The following KIRREL3 variants were observed in gnomAD, a reference collection of about 807,000 sequenced individuals.
KIRREL3 encodes the protein kirre like nephrin family adhesion molecule 3, also known as kin of IRRE-like protein 3.
In KIRREL3, 36 loss-of-function variants were observed where a neutral mutation model predicts 89.7. That is an observed-to-expected ratio of 0.40 (90% CI 0.31 to 0.53). KIRREL3 has a LOEUF of 0.53. KIRREL3 is among the 20% of genes least tolerant of loss of function. KIRREL3 has a pLI of 0.49. For synonymous variants in KIRREL3, 445 were observed against 441.4 expected, an observed-to-expected ratio of 1.01 and a Z score of -0.10; for missense variants, 864 against 1,056.6, an observed-to-expected ratio of 0.82 and a Z score of 2.53.
Position 126,805,833 on chromosome 11 carries a change from G to T in KIRREL3, c.55+194622C>A, listed in dbSNP as rs1951186802. On this transcript the variant is annotated intron_variant, in intron 1 of 16. Transcript: ENST00000525144. The surrounding 1 kb of genome is among the most constrained non-coding windows in gnomAD (Gnocchi z 4.3). ...TTTCCTGCTCAGCTTATTCATCCAA[G>T]TTCCCACTCAGCCCCCAGCAGACCA... Among the ~76,000 whole-genome samples, 1 of 152,146 alleles carries T rather than the reference G, an allele frequency of 6.6e-6. No homozygotes were observed. The highest frequency in any genetic ancestry group is 2.4e-5 in the African/African-American group (1 of 41,428).
At chr11:126,928,362 T>C (rs543344526) in intron 1 of KIRREL3, among the ~76,000 whole-genome samples, 15 of 152,340 alleles carry the variant, frequency 9.8e-5, no homozygotes, top group African/African-American at 3.1e-4. Flanking sequence ...TGGGGCCAGA[T>C]GTCCTTGGGC....
intron 1 of KIRREL3, among the ~76,000 whole-genome samples, chr11:126,716,813 C>T (rs1340624010): frequency 6.6e-6 from 1 of 151,218 alleles, no homozygotes. Context: ...TCATTTTATA[C>T]TGGACCTCAT....
chr11:126,639,657 G>A lies in KIRREL3; in HGVS notation c.56-76745C>T, dbSNP rs1490993144. ...TCTGCTCTGCTAGCTGGCCCTACTT[G>A]TACAATTAATATTCTCCCTGGTGTT... On this transcript the variant is annotated intron_variant, in intron 1 of 16. Transcript: ENST00000525144. The surrounding 1 kb of genome is among the most constrained non-coding windows in gnomAD (Gnocchi z 4.3). Among the ~76,000 whole-genome samples, 1 of 152,188 alleles carries A rather than the reference G, an allele frequency of 6.6e-6. No individual in the cohort carries two copies. The highest frequency in any genetic ancestry group is 1.5e-5 in the Non-Finnish European group (1 of 68,044).
intron 1 of KIRREL3, among the ~76,000 whole-genome samples, chr11:126,777,634 C>T (rs1005327315): frequency 6.6e-6 from 1 of 152,198 alleles, no homozygotes; most frequent in East Asian, 1.9e-4. Context: ...CAGCCCAAAG[C>T]AAGTCACTTT....
In KIRREL3 at chr11:126,530,997, T is replaced by C. The variant is rs996647653; in HGVS notation, c.134-4310A>G. 1.3e-5 allele frequency among the ~76,000 whole-genome samples: 2 copies of C among 152,040 alleles called. No homozygotes were observed. The highest frequency in any genetic ancestry group is 2.9e-5 in the Non-Finnish European group (2 of 68,016). ...AGGCACTCACCACCATGTCTGGTAA[T>C]TTTTGTATTTTTAGTAGAGACAGGG... On this transcript the variant is annotated intron_variant, in intron 2 of 16. Transcript: ENST00000525144. This position sits in a 1 kb window ranked among gnomAD's most constrained non-coding sequence, Gnocchi z 5.8.
rs2134284063 is a variant in KIRREL3, at chr11:126,766,794, T to C, written c.56-203882A>G. Among the ~76,000 whole-genome samples the C allele has an allele frequency of 1.3e-5, 2 of 152,294 alleles. No individual in the cohort carries two copies. Among genetic ancestry groups the C allele is most frequent in the Non-Finnish European group, 2.9e-5 (2 of 68,032 alleles). ...GGGGATCATAAAGTGCTGTTGATAA[T>C]TGTGATAGTTAAAGTGATTTGCTTA... On this transcript the variant is annotated intron_variant, in intron 1 of 16. Transcript: ENST00000525144. The surrounding 1 kb of genome is among the most constrained non-coding windows in gnomAD (Gnocchi z 4.2).
chr11:126,556,841 T>C (rs1315330134), intron 2 of KIRREL3, among the ~76,000 whole-genome samples: 1 of 152,142 alleles, frequency 6.6e-6, no homozygotes, highest in Non-Finnish European at 1.5e-5. Context: ...AATCATAAAG[T>C]GCCCTGTAAA....
At chr11:126,456,180 C>G (rs1053761309) in intron 7 of KIRREL3, among the ~76,000 whole-genome samples, 169 bp downstream of exon 7, 1 of 151,080 alleles carries the variant, frequency 6.6e-6, no homozygotes, top group South Asian at 2.1e-4. Context: ...AGGGTCCACA[C>G]GGCTAGCAGG....
chr11:126,885,508 T>G (rs1940003), intron 1 of KIRREL3, among the ~76,000 whole-genome samples: 95,820 of 152,112 alleles, frequency 0.63, 32,140 homozygotes, highest in African/African-American at 0.87. Flanking sequence ...ATCTATTTAA[T>G]TTTCGTTTGC....
In KIRREL3 at chr11:126,520,354, G is replaced by GGAGCCC. The variant is rs1958545936; in HGVS notation, c.433+960_433+961insGGGCTC. On this transcript the variant is annotated intron_variant, in intron 4 of 16. Coordinates refer to ENST00000525144, the MANE Select transcript of KIRREL3 (RefSeq NM_032531.4). The surrounding 1 kb of genome is among the most constrained non-coding windows in gnomAD (Gnocchi z 4.9). ...GTAAGGGGGCAGCGAGGTGGGGCAG[G>GGAGCCC]TAGCCCTGGAGCCCTGGCCAGGAGC... Among the ~76,000 whole-genome samples, 1 of 152,166 alleles carries GGAGCCC rather than the reference G, an allele frequency of 6.6e-6. No homozygotes were observed. The highest frequency in any genetic ancestry group is 2.4e-5 in the African/African-American group (1 of 41,432).
chr11:126,465,964 T>C (rs1190083455), intron 5 of KIRREL3, among the ~76,000 whole-genome samples: 1 of 152,016 alleles, frequency 6.6e-6, no homozygotes, highest in Non-Finnish European at 1.5e-5. Flanking sequence ...CAGGTTGGTA[T>C]TCTTCTTCTC....
rs1427475942 is a variant in KIRREL3 at position 126,877,122 on chromosome 11, G to A, written c.55+123333C>T. 2.0e-5 allele frequency among the ~76,000 whole-genome samples: 3 copies of A among 152,150 alleles called. No individual in the cohort carries two copies. The highest frequency in any genetic ancestry group is 1.5e-5 in the Non-Finnish European group (1 of 68,032). Reference sequence around the variant, plus strand: ...AGGAGATCTGACAGATGTTCCAAATGAGAAAGAGGAGGACAAGCAGACGTT... The same window carrying A: ...AGGAGATCTGACAGATGTTCCAAATAAGAAAGAGGAGGACAAGCAGACGTT... On this transcript the variant is annotated intron_variant, in intron 1 of 16. Coordinates refer to ENST00000525144, the MANE Select transcript of KIRREL3 (RefSeq NM_032531.4). The surrounding 1 kb of genome is among the most constrained non-coding windows in gnomAD (Gnocchi z 4.9).
chr11:126,556,172 AT>A (rs1441854363), intron 2 of KIRREL3, among the ~76,000 whole-genome samples: 1 of 152,170 alleles, frequency 6.6e-6, no homozygotes, highest in Non-Finnish European at 1.5e-5. Flanking sequence ...GGCATGATAG[AT>A]GCAAGGAGCC....
At position 126,492,321 on chromosome 11, in the gene KIRREL3, TGA is replaced by T. The variant is rs1280080607; in HGVS notation, c.434-18857_434-18856del. ...CCCAAGCCTGTTCCCCTACCCCCGATGAGGGATGAGGTGGATGTGACAAGGTG... is the reference window on the plus strand; with the variant it reads ...CCCAAGCCTGTTCCCCTACCCCCGATGGGATGAGGTGGATGTGACAAGGTG... On this transcript the variant is annotated intron_variant, in intron 4 of 16. Transcript: ENST00000525144. This position sits in a 1 kb window ranked among gnomAD's most constrained non-coding sequence, Gnocchi z 4.8. Among the ~76,000 whole-genome samples the T allele has an allele frequency of 5.6e-4, 85 of 152,078 alleles. No individual in the cohort carries two copies. The highest frequency in any genetic ancestry group is 2.0e-3 in the African/African-American group (81 of 41,416).
At chr11:126,619,347 G>C (rs1943484578) in intron 1 of KIRREL3, among the ~76,000 whole-genome samples, 1 of 152,232 alleles carries the variant, frequency 6.6e-6, no homozygotes, top group Non-Finnish European at 1.5e-5. Context: ...GAGGAGATGA[G>C]CCCAGAGAGG....
rs1212468103 is a variant in KIRREL3 at position 126,639,731 on chromosome 11, A to C, written c.56-76819T>G. The stretch of plus-strand genomic sequence containing the variant: ...CCATCAATCACCCACTTTCCAACTC[A>C]TCTGTCTGGATCAGTCATTTACAAA... On this transcript the variant is annotated intron_variant, in intron 1 of 16. Coordinates refer to ENST00000525144, the MANE Select transcript of KIRREL3 (RefSeq NM_032531.4). The surrounding 1 kb of genome is among the most constrained non-coding windows in gnomAD (Gnocchi z 4.3). 1.3e-5 allele frequency among the ~76,000 whole-genome samples: 2 copies of C among 152,214 alleles called. No homozygotes were observed. The highest frequency in any genetic ancestry group is 4.8e-5 in the African/African-American group (2 of 41,454).
Position 126,483,184 on chromosome 11 carries a change from C to G in KIRREL3, c.434-9718G>C, listed in dbSNP as rs1957267498. Among the ~76,000 whole-genome samples the G allele has an allele frequency of 2.0e-5, 3 of 152,196 alleles. No individual in the cohort carries two copies. The South Asian group carries it at 6.2e-4, about 32-fold the overall frequency. On this transcript the variant is annotated intron_variant, in intron 4 of 16. Transcript: ENST00000525144. ...AAAGAGGAATGCAGGCAAGGCCTTG[C>G]TAAGTTCTTCTGGTTTGTTACCATG...
rs151148366 is a variant in KIRREL3, at chr11:126,621,616, C to A, written c.56-58704G>T. Among the ~76,000 whole-genome samples the A allele has an allele frequency of 1.6e-3, 248 of 152,172 alleles. 1 individual carries two copies. Among genetic ancestry groups the A allele is most frequent in the African/African-American group, 5.8e-3 (242 of 41,522 alleles). On this transcript the variant is annotated intron_variant, in intron 1 of 16. Transcript: ENST00000525144. ...TTTATAAGAACCATCTTGGTTGAAT[C>A]CTAATGTGCATTTTTTTTAATACCA...
At chr11:126,706,064 A>G (rs1947517846) in intron 1 of KIRREL3, among the ~76,000 whole-genome samples, 2 of 152,226 alleles carry the variant, frequency 1.3e-5, no homozygotes, top group African/African-American at 2.4e-5. Flanking sequence ...GTGAACCACT[A>G]GGGCCTTCTA....
Sources: allele counts gnomAD v4.1 joint callset (sites outside exome capture counted in the v4.1 genomes callset), GRCh38; gene constraint gnomAD v4.1.1; non-coding constraint Gnocchi (gnomAD v3.1); transcripts MANE v1.5; gene names NCBI Gene and HGNC (gene_info 2026-07-23, HGNC 2026-07-21).